Variants in SPANXN2 observed in about 807,000 individuals in gnomAD.
SPANXN2 encodes the protein SPANX family member N2, also known as sperm protein associated with the nucleus on the X chromosome N2.
Under a neutral mutation model 2.0 loss-of-function variants are expected in SPANXN2, and 1 was observed. The ratio of observed to expected loss-of-function variants is 0.50; its 90% CI spans 0.18 to 2.36. The LOEUF is 2.36. SPANXN2 is among the 30% of genes most tolerant of loss of function. SPANXN2 has a pLI of 0.26. For missense variants in SPANXN2, 88 were observed against 116.7 expected (o/e 0.75, Z 1.13); for synonymous variants, 43 against 49.8 (o/e 0.86, Z 0.58).
chrX:143,720,499 T>A, intron 1 of SPANXN2, 92 bp downstream of exon 1: 1 of 989,336 alleles, frequency 1.0e-6, no homozygotes, highest in Non-Finnish European at 1.4e-6. Context: ...TCCACAGGTG[T>A]CTGCAGTATT....
exon 2 of SPANXN2, chrX:143,712,388 T>G: frequency 8.2e-7 from 1 of 1,212,502 alleles, no homozygotes; most frequent in Non-Finnish European, 1.1e-6. Flanking sequence ...TGATTTGAAT[T>G]TATTTTCGTA....
intron 1 of SPANXN2, among the ~76,000 whole-genome samples, chrX:143,715,506 C>G (rs1205146103): frequency 3.6e-5 from 4 of 109,792 alleles, no homozygotes; most frequent in Non-Finnish European, 5.7e-5. Context: ...TCTCCCCCCA[C>G]TCATCCTCAT....
chrX:143,712,859 A>G (rs1287847122), intron 1 of SPANXN2, among the ~76,000 whole-genome samples: 4 of 111,630 alleles, frequency 3.6e-5, no homozygotes, highest in Non-Finnish European at 7.5e-5. Context: ...TTGCTTGGCA[A>G]AGTTCTAAGG....
At chrX:143,717,806 T>C (rs182284854) in intron 1 of SPANXN2, among the ~76,000 whole-genome samples, 35 of 111,921 alleles carry the variant, frequency 3.1e-4, no homozygotes, top group East Asian at 8.5e-4. Context: ...GGACACTTAC[T>C]AGGGCAGGAC....
chrX:143,712,455 C>A (rs781874901), exon 2 of SPANXN2: 26 of 1,211,844 alleles, frequency 2.1e-5, no homozygotes, highest in Non-Finnish European at 2.0e-5. Context: ...TTGTCTTTTG[C>A]AAGCTCTGTT....
chrX:143,715,167 G>A (rs782116899), intron 1 of SPANXN2, among the ~76,000 whole-genome samples: 1 of 111,403 alleles, frequency 9.0e-6, no homozygotes, highest in South Asian at 3.9e-4. Context: ...GGAACCCAGG[G>A]TAATTCTGTC....
chrX:143,719,723 CTTCTG>C (rs1178164872), intron 1 of SPANXN2, among the ~76,000 whole-genome samples: 1 of 111,034 alleles, frequency 9.0e-6, no homozygotes, highest in Non-Finnish European at 1.9e-5. Context: ...CCTTTAGTAG[CTTCTG>C]TCTCATCTTC....
chrX:143,713,892 ACTCTCTCTCTCTCTCT>A (rs58045166), intron 1 of SPANXN2, among the ~76,000 whole-genome samples: 8 of 87,916 alleles, frequency 9.1e-5, no homozygotes, highest in East Asian at 3.9e-4. Context: ...TTCATGCCTC[ACTCTCTCTCTCTCTCT>A]CTCTCTCTCT....
At chrX:143,720,471 T>A in intron 1 of SPANXN2, 120 bp downstream of exon 1, 1 of 770,903 alleles carries the variant, frequency 1.3e-6, no homozygotes, top group Non-Finnish European at 1.8e-6. Flanking sequence ...GGTTCTGGCA[T>A]TAAGCGGGTC....
At chrX:143,714,867 C>A (rs1556449246) in intron 1 of SPANXN2, among the ~76,000 whole-genome samples, 1 of 111,803 alleles carries the variant, frequency 8.9e-6, no homozygotes, top group Admixed American at 9.5e-5. Flanking sequence ...AAGGACCAGG[C>A]TAAATACCAA....
intron 1 of SPANXN2, among the ~76,000 whole-genome samples, chrX:143,719,776 G>A (rs1445473061): frequency 9.0e-6 from 1 of 110,836 alleles, no homozygotes; most frequent in Admixed American, 9.6e-5. Flanking sequence ...TCTCATTCTA[G>A]TGTTAGCAGA....
At chrX:143,715,702 A>G (rs1190684544) in intron 1 of SPANXN2, among the ~76,000 whole-genome samples, 1 of 105,640 alleles carries the variant, frequency 9.5e-6, no homozygotes, top group Non-Finnish European at 2.0e-5. Flanking sequence ...AACTTTTACA[A>G]GCTCATATTC....
intron 1 of SPANXN2, among the ~76,000 whole-genome samples, chrX:143,715,549 G>C (rs180813286): frequency 9.2e-6 from 1 of 108,413 alleles, no homozygotes; most frequent in African/African-American, 3.4e-5. Flanking sequence ...TAATTCTAAA[G>C]CTTGGAATGT....
chrX:143,720,470 A>G, intron 1 of SPANXN2, 121 bp downstream of exon 1: 1 of 768,371 alleles, frequency 1.3e-6, no homozygotes, highest in Non-Finnish European at 1.8e-6. Context: ...GGGTTCTGGC[A>G]TTAAGCGGGT....
At chrX:143,713,723 C>T (rs1932207741) in intron 1 of SPANXN2, among the ~76,000 whole-genome samples, 1 of 111,449 alleles carries the variant, frequency 9.0e-6, no homozygotes, top group African/African-American at 3.3e-5. Context: ...TACTCACTCC[C>T]TTCCAGGGTA....
chrX:143,715,594 G>A (rs369629119), intron 1 of SPANXN2, among the ~76,000 whole-genome samples: 1 of 106,441 alleles, frequency 9.4e-6, no homozygotes, highest in South Asian at 4.3e-4. Context: ...TCACATCCCA[G>A]TTAAAATAAC....
Position 143,712,686 on chromosome X carries a change from T to C in SPANXN2, c.79-187A>G, listed in dbSNP as rs144217375. 5.7e-4 allele frequency among the ~76,000 whole-genome samples: 63 copies of C among 111,028 alleles called. No homozygotes were observed. In the East Asian group the frequency reaches 8.1e-3, roughly 14 times the overall value. ...AAGAAGAGGAGCATGGGTAGGGTCATCTGTTAGTCCAAACTGCACGATTTC... is the reference window on the plus strand; with the variant it reads ...AAGAAGAGGAGCATGGGTAGGGTCACCTGTTAGTCCAAACTGCACGATTTC... On this transcript the variant is annotated intron_variant, in intron 1 of 1. Transcript: ENST00000598475.
chrX:143,712,821 C>T (rs1418681852), intron 1 of SPANXN2, among the ~76,000 whole-genome samples: 1 of 111,596 alleles, frequency 9.0e-6, no homozygotes, highest in African/African-American at 3.3e-5. Context: ...GGACAAAGGC[C>T]CAACTAAAGA....
At chrX:143,716,186 C>A (rs1157068190) in intron 1 of SPANXN2, among the ~76,000 whole-genome samples, 1 of 110,840 alleles carries the variant, frequency 9.0e-6, no homozygotes, top group African/African-American at 3.3e-5. Context: ...TTCAACACAC[C>A]ACTCAGGTTT....
Sources: gnomAD v4.1 joint callset for allele counts (sites outside exome capture counted in the v4.1 genomes callset) on GRCh38, gnomAD v4.1.1 for gene constraint, MANE v1.5 for transcripts, NCBI Gene and HGNC (gene_info 2026-07-23, HGNC 2026-07-21) for gene names.